Variants in NOL10 observed in about 807,000 individuals in gnomAD.
The protein encoded by NOL10 is nucleolar protein 10.
In NOL10, 58 loss-of-function variants were observed where a neutral mutation model predicts 103.5. The ratio of observed to expected loss-of-function variants is 0.56; its 90% CI spans 0.45 to 0.70. The LOEUF is 0.70. Among genes scored for constraint, NOL10 ranks in the 30% least tolerant of loss-of-function variants. The pLI is 0.00. For missense variants in NOL10, 763 were observed against 807.3 expected (o/e 0.95, Z 0.67); for synonymous variants, 287 against 282.5 (o/e 1.02, Z -0.16).
intron 13 of NOL10, among the ~76,000 whole-genome samples, chr2:10,630,317 G>T (rs1158364957): frequency 2.0e-5 from 3 of 152,148 alleles, no homozygotes; most frequent in African/African-American, 4.8e-5. Context: ...ATTCAAACTC[G>T]GGTCCAACCA....
rs1052484388 is a variant in NOL10, at chr2:10,572,524, G to A, written c.1948-334C>T. 5.9e-5 allele frequency among the ~76,000 whole-genome samples: 9 copies of A among 152,252 alleles called. No homozygotes were observed. The East Asian group carries it at 1.4e-3, about 23-fold the overall frequency. ...AACACACTCACACAACCACTGGGAT[G>A]TTTTAAAAGAGCCTACACAAGAGCC... On this transcript the variant is annotated intron_variant, in intron 20 of 20. Transcript: ENST00000381685.
chr2:10,666,822 T>C (rs55674834), intron 8 of NOL10, among the ~76,000 whole-genome samples: 34,329 of 152,028 alleles, frequency 0.23, 4,140 homozygotes, highest in South Asian at 0.47. Flanking sequence ...GAAAAAAAAT[T>C]TGAAAGGATA....
chr2:10,664,664 C>G (rs1680457673), intron 8 of NOL10, among the ~76,000 whole-genome samples: 1 of 152,146 alleles, frequency 6.6e-6, no homozygotes, highest in Non-Finnish European at 1.5e-5. Flanking sequence ...CTCAGCTTCC[C>G]CAGTAGCTGC....
chr2:10,669,583 CT>C (rs1680797221), intron 6 of NOL10, among the ~76,000 whole-genome samples: 1 of 149,822 alleles, frequency 6.7e-6, no homozygotes, highest in Non-Finnish European at 1.5e-5. Context: ...CAAATGCTAC[CT>C]TTTTGATGAC....
intron 14 of NOL10, 78 bp downstream of exon 14, chr2:10,607,107 C>A: frequency 1.0e-6 from 1 of 957,434 alleles, no homozygotes; most frequent in Non-Finnish European, 1.5e-6. Flanking sequence ...ATGGCTCAGC[C>A]AATTCTCATG....
At chr2:10,615,655 T>C (rs1372914600) in intron 13 of NOL10, among the ~76,000 whole-genome samples, 1 of 152,164 alleles carries the variant, frequency 6.6e-6, no homozygotes. Context: ...ATGCAGTAAT[T>C]TAAGAAACTT....
intron 3 of NOL10, among the ~76,000 whole-genome samples, chr2:10,679,134 C>A (rs1175688590): frequency 6.6e-6 from 1 of 151,622 alleles, no homozygotes; most frequent in Admixed American, 6.6e-5. Context: ...CTGAGGTGGG[C>A]GGATCACCTG....
rs60104799 is a variant in NOL10, at chr2:10,609,431, CAA to C, written c.1027-2122_1027-2121del. Among the ~76,000 whole-genome samples the C allele has an allele frequency of 1.7e-3, 189 of 111,558 alleles. 2 individuals are homozygous for C. The highest frequency in any genetic ancestry group is 0.016 in the East Asian group (58 of 3,550). The allele number at this position is 111,558 out of a possible 152,430, so 73.2% of individuals were successfully genotyped here. A position where few individuals can be genotyped will look rare whatever the true frequency, so the allele number is the denominator to read the frequency against. On this transcript the variant is annotated intron_variant, in intron 13 of 20. Coordinates refer to ENST00000381685, the MANE Select transcript of NOL10 (RefSeq NM_024894.4). ...TGAAACCCTGTCTGTACTAAAAATA[CAA>C]AAAAAAAAAAAAAAAAAAAAATCAG...
chr2:10,591,356 A>C (rs899383744), intron 17 of NOL10, among the ~76,000 whole-genome samples: 1 of 152,112 alleles, frequency 6.6e-6, no homozygotes, highest in African/African-American at 2.4e-5. Flanking sequence ...TCCCAACAAA[A>C]GACACCCCAG....
At chr2:10,655,817 C>A (rs1243348761) in intron 11 of NOL10, among the ~76,000 whole-genome samples, 1 of 152,182 alleles carries the variant, frequency 6.6e-6, no homozygotes, top group Non-Finnish European at 1.5e-5. Flanking sequence ...TAAGTGCCCA[C>A]GGCGAAAAAG....
chr2:10,585,205 A>T (rs1674960945), intron 19 of NOL10, among the ~76,000 whole-genome samples: 1 of 152,246 alleles, frequency 6.6e-6, no homozygotes, highest in Non-Finnish European at 1.5e-5. Flanking sequence ...AAAGCAGTAA[A>T]TAGAGCAAGA....
At chr2:10,576,986 G>A (rs1047801178) in intron 20 of NOL10, among the ~76,000 whole-genome samples, 1 of 151,990 alleles carries the variant, frequency 6.6e-6, no homozygotes, top group African/African-American at 2.4e-5. Flanking sequence ...GACTTTGAAT[G>A]AGAAAAAAAT....
At chr2:10,650,317 C>T (rs1254254469) in intron 12 of NOL10, among the ~76,000 whole-genome samples, 1 of 152,080 alleles carries the variant, frequency 6.6e-6, no homozygotes, top group Non-Finnish European at 1.5e-5. Context: ...CACAGTGCCA[C>T]TGCTTCCTGC....
At chr2:10,643,869 G>C (rs148335746) in intron 13 of NOL10, among the ~76,000 whole-genome samples, 1,863 of 152,326 alleles carry the variant, frequency 0.012, 33 homozygotes, top group African/African-American at 0.042. Flanking sequence ...ACTGGCTCCA[G>C]AAAGCAAATT....
chr2:10,656,732 G>A (rs572018682), intron 11 of NOL10, among the ~76,000 whole-genome samples: 1 of 152,322 alleles, frequency 6.6e-6, no homozygotes, highest in Non-Finnish European at 1.5e-5. Context: ...AGGCTGGTGG[G>A]CCGTCCACCC....
chr2:10,604,880 C>T (rs151176719), intron 14 of NOL10: 35 of 152,270 alleles, frequency 2.3e-4, no homozygotes, highest in African/African-American at 8.4e-4. Flanking sequence ...ACTTTCCTTC[C>T]GTTTGGAGAT....
intron 12 of NOL10, among the ~76,000 whole-genome samples, chr2:10,652,511 C>T (rs530974737): frequency 6.6e-6 from 1 of 152,134 alleles, no homozygotes; most frequent in Admixed American, 6.5e-5. Context: ...CAGCAGCATG[C>T]AATCAATCTT....
At chr2:10,626,928 C>T (rs573415003) in intron 13 of NOL10, among the ~76,000 whole-genome samples, 157 of 152,274 alleles carry the variant, frequency 1.0e-3, no homozygotes, top group Non-Finnish European at 1.8e-3. Context: ...TTTGAAAATG[C>T]GACAGGATGC....
intron 12 of NOL10, among the ~76,000 whole-genome samples, chr2:10,647,018 C>T (rs1158728026): frequency 2.6e-5 from 4 of 152,100 alleles, no homozygotes; most frequent in Non-Finnish European, 5.9e-5. Flanking sequence ...AGTAATAGTA[C>T]GTGACAGTAC....
Sources: gnomAD v4.1 joint callset for allele counts (sites outside exome capture counted in the v4.1 genomes callset) on GRCh38, gnomAD v4.1.1 for gene constraint, MANE v1.5 for transcripts, NCBI Gene and HGNC (gene_info 2026-07-23, HGNC 2026-07-21) for gene names.